The following GCH1 variants were observed in gnomAD, a reference collection of about 807,000 sequenced individuals.
GCH1 encodes the protein GTP cyclohydrolase I.
A neutral mutation model predicts 25.9 loss-of-function variants in GCH1; 5 were observed. That is an observed-to-expected ratio of 0.19 (90% confidence interval 0.10 to 0.41). GCH1 has a LOEUF of 0.41. Ranked by LOEUF, GCH1 falls within the 10% of genes least tolerant of loss-of-function variation. The pLI is 1.00. For missense variants in GCH1, 261 were observed against 336.5 expected (o/e 0.78, Z 1.75); for synonymous variants, 159 against 129.6 (o/e 1.23, Z -1.54).
chr14:54,860,597 G>A (rs2039881979), intron 2 of GCH1, among the ~76,000 whole-genome samples: 1 of 145,518 alleles, frequency 6.9e-6, no homozygotes, highest in South Asian at 2.2e-4. Context: ...CTGGAGTACA[G>A]TGGCCCAGTC....
intron 3 of GCH1, among the ~76,000 whole-genome samples, chr14:54,855,537 G>A (rs1033090912): frequency 9.3e-5 from 10 of 107,694 alleles, no homozygotes; most frequent in African/African-American, 3.3e-4. Context: ...AAAGCTGGCC[G>A]GGTGCAGTGA....
intron 3 of GCH1, among the ~76,000 whole-genome samples, chr14:54,856,624 G>A (rs1207431975): frequency 6.6e-6 from 1 of 151,768 alleles, no homozygotes; most frequent in Non-Finnish European, 1.5e-5. Flanking sequence ...TGCTAATTTT[G>A]GTATTTTTAG....
chr14:54,865,430 A>T lies in GCH1; in HGVS notation c.350T>A (p.Leu117Gln). The change falls in exon 2 of 6, where the codon CTA (leucine) becomes CAA (glutamine). Residue 117 changes from leucine (L) to glutamine (Q), a missense_variant. Physicochemically the swap from Leu to Gln is moderately radical, Grantham distance 113. This residue lies in a region of GCH1 where 130 missense variants were observed against 184.1 expected (regional missense o/e 0.71). Transcript: ENST00000491895. ...KGYQETISDV[L>Q]NDAIFDEDHD... ...ATCTTCATCAAATATAGCATCGTTT[A>T]GGACATCTGAAATCAGAGGCTTGCT... 6.7e-7 allele frequency: 1 copy of T among 1,495,756 alleles called. No individual in the cohort carries two copies. Among genetic ancestry groups the T allele is most frequent in the Non-Finnish European group, 9.3e-7 (1 of 1,073,040 alleles). The allele number at this position is 1,495,756 out of a possible 1,614,324, so 92.7% of individuals were successfully genotyped here.
At chr14:54,862,338 G>C (rs2039910771) in intron 2 of GCH1, among the ~76,000 whole-genome samples, 1 of 148,154 alleles carries the variant, frequency 6.7e-6, no homozygotes, top group Non-Finnish European at 1.5e-5. Flanking sequence ...GCCCTGATGT[G>C]ATATAATATG....
intron 1 of GCH1, among the ~76,000 whole-genome samples, chr14:54,883,059 G>A (rs554100491): frequency 1.3e-5 from 2 of 152,264 alleles, no homozygotes; most frequent in East Asian, 1.9e-4. Flanking sequence ...TGAGAGCTGA[G>A]GGTACATGAG....
intron 1 of GCH1, among the ~76,000 whole-genome samples, chr14:54,901,517 G>A (rs1288600376): frequency 6.6e-6 from 1 of 151,372 alleles, no homozygotes; most frequent in East Asian, 2.0e-4. Context: ...GACGCTAACA[G>A]CACCGGGTCA....
At chr14:54,876,311 G>T (rs969997721) in intron 1 of GCH1, among the ~76,000 whole-genome samples, 22 of 152,102 alleles carry the variant, frequency 1.4e-4, no homozygotes, top group African/African-American at 5.3e-4. Flanking sequence ...TTGGACACAG[G>T]AAGGGGAACA....
In GCH1 at chr14:54,843,669, A is replaced by G; in HGVS notation, c.*348T>C. On this transcript the variant is annotated 3_prime_UTR_variant, in exon 6 of 6. Coordinates refer to ENST00000491895, the MANE Select transcript of GCH1 (RefSeq NM_000161.3). ...TGGGCACAGTTCCCTCTCATTCCCA[A>G]TGCTCCTATGCTTATGAGGCAAATT... 2 of 1,580,626 alleles carry G rather than the reference A, an allele frequency of 1.3e-6. No individual in the cohort carries two copies. The highest frequency in any genetic ancestry group is 1.2e-5 in the South Asian group (1 of 84,874).
At chr14:54,879,737 C>T (rs1003887897) in intron 1 of GCH1, among the ~76,000 whole-genome samples, 3 of 152,156 alleles carry the variant, frequency 2.0e-5, no homozygotes, top group Middle Eastern at 6.8e-3. Flanking sequence ...CAGTGGCTCA[C>T]GCCTGTAATC....
At chr14:54,875,005 G>A (rs931504391) in intron 1 of GCH1, among the ~76,000 whole-genome samples, 8 of 152,176 alleles carry the variant, frequency 5.3e-5, no homozygotes, top group Admixed American at 3.3e-4. Context: ...AAAAGAGACC[G>A]CATTGCCAAG....
intron 2 of GCH1, among the ~76,000 whole-genome samples, chr14:54,860,372 C>G (rs1826044521): frequency 6.6e-6 from 1 of 152,002 alleles, no homozygotes; most frequent in Admixed American, 6.6e-5. Flanking sequence ...CTTTAAATGG[C>G]AAAAACTGTA....
At chr14:54,865,977 T>C (rs1025290876) in intron 1 of GCH1, among the ~76,000 whole-genome samples, 6 of 152,192 alleles carry the variant, frequency 3.9e-5, no homozygotes, top group African/African-American at 1.2e-4. Context: ...ATCAGACTTA[T>C]TCTAAACAGT....
chr14:54,872,067 G>A (rs59093244), intron 1 of GCH1, among the ~76,000 whole-genome samples: 18,978 of 151,714 alleles, frequency 0.13, 1,337 homozygotes, highest in East Asian at 0.4. Context: ...AAGTTGAAAT[G>A]AAGGAAAAAA....
At chr14:54,865,607 C>G (rs1009320578) in intron 1 of GCH1, among the ~76,000 whole-genome samples, 171 bp from the exon 2 acceptor site, 1 of 152,104 alleles carries the variant, frequency 6.6e-6, no homozygotes, top group Non-Finnish European at 1.5e-5. Context: ...AAGTCCTTTT[C>G]TGTAAGTAAC....
At chr14:54,852,775 T>C (rs1469339189) in intron 3 of GCH1, among the ~76,000 whole-genome samples, 7 of 152,100 alleles carry the variant, frequency 4.6e-5, no homozygotes, top group Non-Finnish European at 1.0e-4. Flanking sequence ...ACTGTACTTG[T>C]TTTATATCCT....
At chr14:54,844,854 G>A (rs2039615487) in intron 5 of GCH1, among the ~76,000 whole-genome samples, 2 of 152,130 alleles carry the variant, frequency 1.3e-5, no homozygotes, top group Non-Finnish European at 2.9e-5. Flanking sequence ...AAGAAATCAA[G>A]AGAAGACATA....
In GCH1 at chr14:54,863,247, T is replaced by A. The variant is rs148714072; in HGVS notation, c.453+2080A>T. On this transcript the variant is annotated intron_variant, in intron 2 of 5. Coordinates refer to ENST00000491895, the MANE Select transcript of GCH1 (RefSeq NM_000161.3). Reference sequence around the variant, plus strand: ...ATCCTGGCTAACACCGTGAAACCCCTTCTCTACTAAAAATACAACAACAAA... The same window carrying A: ...ATCCTGGCTAACACCGTGAAACCCCATCTCTACTAAAAATACAACAACAAA... Among the ~76,000 whole-genome samples the A allele has an allele frequency of 1.0e-3, 151 of 151,010 alleles. 1 individual carries two copies. Among genetic ancestry groups the A allele is most frequent in the East Asian group, 5.1e-3 (26 of 5,118 alleles).
chr14:54,885,829 C>A (rs1190054406), intron 1 of GCH1: 2 of 181,392 alleles, frequency 1.1e-5, no homozygotes, highest in African/African-American at 4.8e-5. Flanking sequence ...GTGGAAGTTG[C>A]AATGAGCTGA....
At chr14:54,856,616 C>A (rs1285437273) in intron 3 of GCH1, among the ~76,000 whole-genome samples, 2 of 152,060 alleles carry the variant, frequency 1.3e-5, no homozygotes, top group Admixed American at 6.6e-5. Context: ...CCATGCCCTG[C>A]TAATTTTGGT....
Sources: gnomAD v4.1 joint callset for allele counts (sites outside exome capture counted in the v4.1 genomes callset) on GRCh38, gnomAD v4.1.1 for gene constraint, gnomAD v4.1.1 regional missense constraint, MANE v1.5 for transcripts, NCBI Gene and HGNC (gene_info 2026-07-23, HGNC 2026-07-21) for gene names.